Variants in MYT1L observed in about 807,000 individuals in gnomAD.
MYT1L encodes the protein myelin transcription factor 1 like.
A neutral mutation model predicts 126.7 loss-of-function variants in MYT1L; 12 were observed. The observed-to-expected ratio is 0.09, with a 90% CI of 0.06 to 0.15. The LOEUF (loss-of-function observed/expected upper bound fraction) is 0.15. Among genes scored for constraint, MYT1L ranks in the 10% least tolerant of loss-of-function variants. The pLI is 1.00. For missense variants in MYT1L, 979 were observed against 1,585.2 expected (o/e 0.62, Z 6.49); for synonymous variants, 541 against 604.2 (o/e 0.90, Z 1.53).
intron 3 of MYT1L, among the ~76,000 whole-genome samples, chr2:2,090,322 A>G (rs2076786350): frequency 6.6e-6 from 1 of 152,232 alleles, no homozygotes; most frequent in African/African-American, 2.4e-5. Context: ...ATACGGTAAT[A>G]AAGGAAGCTA....
At chr2:1,940,750 C>T (rs1264586974) in intron 9 of MYT1L, among the ~76,000 whole-genome samples, 1 of 152,242 alleles carries the variant, frequency 6.6e-6, no homozygotes, top group African/African-American at 2.4e-5. Flanking sequence ...CCAGGCACCC[C>T]ACAATTAACT....
intron 3 of MYT1L, among the ~76,000 whole-genome samples, chr2:2,161,447 G>T (rs2087912542): frequency 6.6e-6 from 1 of 152,252 alleles, no homozygotes; most frequent in Non-Finnish European, 1.5e-5. Flanking sequence ...GCACGAGGAA[G>T]AATGGTCGGG....
chr2:1,841,107 G>C (rs1395507373), intron 19 of MYT1L: 1 of 314,164 alleles, frequency 3.2e-6, no homozygotes, highest in Non-Finnish European at 5.8e-6. Flanking sequence ...GGGTTTCACC[G>C]TGTTAGCCAG....
chr2:2,015,506 G>C lies in MYT1L; in HGVS notation c.-157-18159C>G, dbSNP rs1182890535. On this transcript the variant is annotated intron_variant, in intron 4 of 24. Coordinates refer to ENST00000647738, the MANE Select transcript of MYT1L (RefSeq NM_001303052.2). ...GGGCTGTGAAACAGGATCCTAAAAGGGCTATCTTTGGGCCTTCCAAGCAAA... is the reference window on the plus strand; with the variant it reads ...GGGCTGTGAAACAGGATCCTAAAAGCGCTATCTTTGGGCCTTCCAAGCAAA... 2.6e-5 allele frequency among the ~76,000 whole-genome samples: 4 copies of C among 152,256 alleles called. No homozygotes were observed. The East Asian group carries it at 7.7e-4, about 29-fold the overall frequency.
At chr2:2,299,006 C>A (rs1035968955) in intron 1 of MYT1L, among the ~76,000 whole-genome samples, 3 of 152,140 alleles carry the variant, frequency 2.0e-5, no homozygotes, top group African/African-American at 7.2e-5. Context: ...GCGTGCACCA[C>A]CACACCTGGC....
intron 3 of MYT1L, among the ~76,000 whole-genome samples, chr2:2,153,513 A>AG (rs1007940719): frequency 6.6e-6 from 1 of 152,086 alleles, no homozygotes; most frequent in Non-Finnish European, 1.5e-5. Flanking sequence ...GTGGGGGCGC[A>AG]GGGGCTGATG....
At chr2:1,905,358 A>ATT (rs879390860) in intron 13 of MYT1L, among the ~76,000 whole-genome samples, 2 of 145,288 alleles carry the variant, frequency 1.4e-5, no homozygotes, top group African/African-American at 5.0e-5. Flanking sequence ...AAGGACAGTA[A>ATT]TTTTTTTTTT....
At chr2:2,080,170 C>A (rs1418736123) in intron 3 of MYT1L, among the ~76,000 whole-genome samples, 1 of 151,960 alleles carries the variant, frequency 6.6e-6, no homozygotes, top group Non-Finnish European at 1.5e-5. Context: ...AACATGGACG[C>A]AAAATGTATC....
intron 4 of MYT1L, among the ~76,000 whole-genome samples, chr2:2,043,368 ATGT>A (rs1490426036): frequency 6.6e-5 from 10 of 152,188 alleles, no homozygotes; most frequent in African/African-American, 1.7e-4. Flanking sequence ...ATTTCTTGTT[ATGT>A]TGTTATCAGT....
intron 1 of MYT1L, among the ~76,000 whole-genome samples, chr2:2,302,031 A>G (rs1456401401): frequency 6.6e-6 from 1 of 152,186 alleles, no homozygotes; most frequent in Non-Finnish European, 1.5e-5. Flanking sequence ...AGGCTCATCA[A>G]TGGCCCTCTT....
At chr2:2,040,509 T>A (rs889231172) in intron 4 of MYT1L, among the ~76,000 whole-genome samples, 8 of 152,218 alleles carry the variant, frequency 5.3e-5, no homozygotes, top group Admixed American at 6.5e-5. Context: ...AGTTCCCTCG[T>A]AGAGCAATGT....
chr2:2,091,801 A>C (rs770163367), intron 3 of MYT1L, among the ~76,000 whole-genome samples: 2 of 152,194 alleles, frequency 1.3e-5, no homozygotes, highest in Non-Finnish European at 2.9e-5. Flanking sequence ...TTCTCCTTGC[A>C]CTTTTATGTT....
At chr2:2,070,538 A>T (rs1253578091) in intron 3 of MYT1L, among the ~76,000 whole-genome samples, 1 of 152,156 alleles carries the variant, frequency 6.6e-6, no homozygotes, top group Non-Finnish European at 1.5e-5. Flanking sequence ...ACCCTTTTTG[A>T]GATTTGATGT....
In MYT1L at chr2:1,910,135, G is replaced by T; in HGVS notation, c.1817+105C>A. ...AGCACAGCCCCGCCCTCCAGTCCCTGCCCCTGCTGCTGTAGGGACATGCCC... is the reference window on the plus strand; with the variant it reads ...AGCACAGCCCCGCCCTCCAGTCCCTTCCCCTGCTGCTGTAGGGACATGCCC... On this transcript the variant is annotated intron_variant, in intron 13 of 24. Transcript: ENST00000647738. The surrounding 1 kb of genome is among the most constrained non-coding windows in gnomAD (Gnocchi z 4.8). 1 of 1,041,170 alleles carries T rather than the reference G, an allele frequency of 9.6e-7. No homozygotes were observed. The allele number at this position is 1,041,170 out of a possible 1,614,324, so 64.5% of individuals were successfully genotyped here. A position where few individuals can be genotyped will look rare whatever the true frequency, so the allele number is the denominator to read the frequency against.
At position 1,811,410 on chromosome 2, in the gene MYT1L, C is replaced by CTGGCGTCAT. The variant is rs1553396886; in HGVS notation, c.3081-2244_3081-2243insATGACGCCA. 2.6e-5 allele frequency: 4 copies of CTGGCGTCAT among 152,510 alleles called. No homozygotes were observed. Among genetic ancestry groups the CTGGCGTCAT allele is most frequent in the African/African-American group, 9.7e-5 (4 of 41,364 alleles). The allele number at this position is 152,510 out of a possible 1,614,324, so 9.4% of individuals were successfully genotyped here. On this transcript the variant is annotated intron_variant, in intron 21 of 24. Coordinates refer to ENST00000647738, the MANE Select transcript of MYT1L (RefSeq NM_001303052.2). The surrounding 1 kb of genome is among the most constrained non-coding windows in gnomAD (Gnocchi z 4.4). The stretch of plus-strand genomic sequence containing the variant: ...GTCATCAGCTCTGGCGTCATCAGCT[C>CTGGCGTCAT]CAGCATCATCAGCTCCCGCGTCCTA...
At chr2:2,197,890 C>T (rs1572376219) in intron 2 of MYT1L, among the ~76,000 whole-genome samples, 1 of 151,222 alleles carries the variant, frequency 6.6e-6, no homozygotes, top group Non-Finnish European at 1.5e-5. Flanking sequence ...CACACACACA[C>T]AACGAATGTG....
intron 1 of MYT1L, chr2:2,325,371 A>G (rs1474041265): frequency 6.6e-6 from 1 of 152,228 alleles, no homozygotes; most frequent in Non-Finnish European, 1.5e-5. Context: ...TTTCTTTTAA[A>G]ACAAAAGCTA....
intron 2 of MYT1L, among the ~76,000 whole-genome samples, chr2:2,186,534 A>G (rs1372232622): frequency 1.3e-5 from 2 of 152,158 alleles, no homozygotes; most frequent in Non-Finnish European, 2.9e-5. Context: ...CATCACTACC[A>G]TTGGAGGGAA....
intron 4 of MYT1L, among the ~76,000 whole-genome samples, chr2:2,032,126 C>G (rs1273608131): frequency 1.6e-5 from 2 of 128,896 alleles, no homozygotes; most frequent in Non-Finnish European, 3.2e-5. Context: ...TCCTGTGGCC[C>G]AGAGCAGATT....
Sources: gnomAD v4.1 joint callset for allele counts (sites outside exome capture counted in the v4.1 genomes callset) on GRCh38, gnomAD v4.1.1 for gene constraint, Gnocchi (gnomAD v3.1) non-coding constraint, MANE v1.5 for transcripts, NCBI Gene and HGNC (gene_info 2026-07-23, HGNC 2026-07-21) for gene names.